Variants in AFF3 observed in about 807,000 individuals in gnomAD.
AFF3 encodes AF4/FMR2 family member 3.
AFF3 carries 32 observed loss-of-function variants against 129.7 expected under a neutral mutation model. The ratio of observed to expected loss-of-function variants is 0.25; its 90% CI spans 0.19 to 0.33. AFF3 has a LOEUF of 0.33. Among genes scored for constraint, AFF3 ranks in the 10% least tolerant of loss-of-function variants. AFF3 has a pLI of 1.00. For synonymous variants in AFF3, 644 were observed against 635.4 expected (o/e 1.01, Z -0.20); for missense variants, 1,373 against 1,592.0 (o/e 0.86, Z 2.34).
chr2:99,800,634 T>C (rs1685870576), intron 8 of AFF3, among the ~76,000 whole-genome samples: 1 of 152,202 alleles, frequency 6.6e-6, no homozygotes, highest in African/African-American at 2.4e-5. Flanking sequence ...ATATTTATAA[T>C]AGCTTTTATG....
chr2:99,669,815 C>T (rs897832905), intron 12 of AFF3, among the ~76,000 whole-genome samples: 10 of 152,044 alleles, frequency 6.6e-5, no homozygotes, highest in Admixed American at 6.6e-4. Flanking sequence ...AGTGAAAATA[C>T]AAAAATTACC....
At chr2:99,763,148 G>A (rs1248566712) in intron 8 of AFF3, among the ~76,000 whole-genome samples, 1 of 152,222 alleles carries the variant, frequency 6.6e-6, no homozygotes, top group East Asian at 1.9e-4. Flanking sequence ...TGGGACTGCA[G>A]TGTGCATTCT....
At chr2:99,606,604 T>C (rs1680361163) in intron 13 of AFF3, among the ~76,000 whole-genome samples, 1 of 152,116 alleles carries the variant, frequency 6.6e-6, no homozygotes, top group South Asian at 2.1e-4. Context: ...TAATGTCACT[T>C]TTCCAATTAA....
chr2:99,820,249 T>C (rs558052345), intron 8 of AFF3, among the ~76,000 whole-genome samples: 1 of 152,310 alleles, frequency 6.6e-6, no homozygotes, highest in Non-Finnish European at 1.5e-5. Context: ...CTATTGCTCA[T>C]AGCCTACAAA....
chr2:99,780,990 A>C (rs538633856), intron 8 of AFF3, among the ~76,000 whole-genome samples: 3 of 152,184 alleles, frequency 2.0e-5, no homozygotes, highest in African/African-American at 7.2e-5. Context: ...TCTGCTGAAA[A>C]ACTTCCAGTG....
chr2:99,824,784 G>T (rs1210503721), intron 8 of AFF3, among the ~76,000 whole-genome samples: 1 of 152,146 alleles, frequency 6.6e-6, no homozygotes, highest in Non-Finnish European at 1.5e-5. Context: ...GCAGAGGGAG[G>T]GTCTCTAGAG....
chr2:100,122,069 A>G (rs1200900815), intron 2 of AFF3, among the ~76,000 whole-genome samples: 6 of 152,194 alleles, frequency 3.9e-5, no homozygotes, highest in Non-Finnish European at 5.9e-5. Context: ...ACTCCGTCTC[A>G]AAAAAATAAA....
chr2:100,079,720 CCCAGATTCCTGTACAAACA>C (rs1485103696), intron 4 of AFF3, among the ~76,000 whole-genome samples: 2 of 152,200 alleles, frequency 1.3e-5, no homozygotes, highest in East Asian at 1.9e-4. Context: ...GTCCTAATGG[CCCAGATTCCTGTACAAACA>C]CCAGATTCCT....
At chr2:99,920,139 A>G (rs972982920) in intron 7 of AFF3, among the ~76,000 whole-genome samples, 1 of 152,066 alleles carries the variant, frequency 6.6e-6, no homozygotes, top group Non-Finnish European at 1.5e-5. Context: ...CCAAAAAATG[A>G]ATAAAGAAAA....
chr2:99,990,120 A>G (rs951918322), intron 7 of AFF3, among the ~76,000 whole-genome samples: 8 of 152,218 alleles, frequency 5.3e-5, no homozygotes, highest in African/African-American at 1.9e-4. Context: ...AGTGAGGCAC[A>G]GTCCTTACTC....
chr2:100,011,888 G>A (rs1385305825), intron 4 of AFF3, among the ~76,000 whole-genome samples: 2 of 152,146 alleles, frequency 1.3e-5, no homozygotes, highest in Non-Finnish European at 2.9e-5. Context: ...GGAGTTATGA[G>A]TCATGTCCTA....
At chr2:99,812,678 G>A (rs969365621) in intron 8 of AFF3, among the ~76,000 whole-genome samples, 4 of 152,050 alleles carry the variant, frequency 2.6e-5, no homozygotes, top group African/African-American at 9.7e-5. Flanking sequence ...CCTATTAACG[G>A]CACTATGAAT....
At chr2:99,730,248 G>A (rs1465942997) in intron 10 of AFF3, among the ~76,000 whole-genome samples, 3 of 152,072 alleles carry the variant, frequency 2.0e-5, no homozygotes, top group African/African-American at 7.2e-5. Flanking sequence ...GAAACAGCTT[G>A]CTGACTCCAA....
chr2:100,037,695 T>G (rs190382871), intron 4 of AFF3, among the ~76,000 whole-genome samples: 2,571 of 121,710 alleles, frequency 0.021, 156 homozygotes, highest in African/African-American at 0.079. Flanking sequence ...TATTTATATT[T>G]TATATATTAT....
chr2:99,893,746 T>C (rs1225460704), intron 7 of AFF3, among the ~76,000 whole-genome samples: 1 of 152,230 alleles, frequency 6.6e-6, no homozygotes, highest in South Asian at 2.1e-4. Context: ...TAACACTATT[T>C]GATTTTCATA....
chr2:100,023,253 G>C (rs1343633728), intron 4 of AFF3, among the ~76,000 whole-genome samples: 1 of 152,168 alleles, frequency 6.6e-6, no homozygotes, highest in East Asian at 1.9e-4. Flanking sequence ...TGGTCTTCCA[G>C]GACAGTTAAG....
intron 1 of AFF3, among the ~76,000 whole-genome samples, chr2:100,136,584 C>T (rs761613026): frequency 6.6e-5 from 10 of 152,214 alleles, no homozygotes; most frequent in Non-Finnish European, 1.3e-4. Context: ...TGCACTTTCA[C>T]ACTTTCCCTT....
chr2:99,720,746 T>G (rs1209161552), intron 11 of AFF3, among the ~76,000 whole-genome samples: 1 of 152,218 alleles, frequency 6.6e-6, no homozygotes, highest in Non-Finnish European at 1.5e-5. Flanking sequence ...TGTTAATCTA[T>G]TTTTTAGTAT....
intron 7 of AFF3, among the ~76,000 whole-genome samples, chr2:99,872,759 C>T (rs1691979038): frequency 6.6e-6 from 1 of 151,996 alleles, no homozygotes; most frequent in Non-Finnish European, 1.5e-5. Flanking sequence ...ACTGATTTTG[C>T]AATATAACAT....
Sources: allele counts gnomAD v4.1 joint callset (sites outside exome capture counted in the v4.1 genomes callset), GRCh38; gene constraint gnomAD v4.1.1; transcripts MANE v1.5; gene names NCBI Gene and HGNC (gene_info 2026-07-23, HGNC 2026-07-21).